MCC: variants seen among roughly 807,000 people sequenced by gnomAD.
The protein encoded by MCC is colorectal mutant cancer protein.
MCC carries 90 observed loss-of-function variants against 116.2 expected under a neutral mutation model. That is an observed-to-expected ratio of 0.77 (90% CI 0.65 to 0.92). MCC has a LOEUF of 0.92. Ranked by LOEUF, MCC falls within the 40% of genes least tolerant of loss-of-function variation. MCC has a pLI of 0.00. For synonymous variants in MCC, 578 were observed against 510.5 expected (o/e 1.13, Z -1.78); for missense variants, 1,516 against 1,312.2 (o/e 1.16, Z -2.40).
At chr5:113,119,807 C>G (rs1032081756) in intron 6 of MCC, among the ~76,000 whole-genome samples, 10 of 152,158 alleles carry the variant, frequency 6.6e-5, no homozygotes, top group African/African-American at 2.4e-4. Context: ...GAGGCTACCA[C>G]CAGTTATAAT....
At chr5:113,099,109 T>C (rs1482379445) in intron 8 of MCC, among the ~76,000 whole-genome samples, 2 of 64,208 alleles carry the variant, frequency 3.1e-5, no homozygotes, top group East Asian at 3.8e-4. Flanking sequence ...ATGCATCTAG[T>C]ACACTTTTTG....
intron 17 of MCC, among the ~76,000 whole-genome samples, chr5:113,039,719 CCCCAA>C (rs1751567326): frequency 1.2e-4 from 16 of 134,010 alleles, no homozygotes; most frequent in South Asian, 2.4e-4. Flanking sequence ...GCGCCCCCCC[CCCCAA>C]CCCACCCCAG....
chr5:113,093,421 T>TG (rs1755779591), intron 8 of MCC, among the ~76,000 whole-genome samples: 1 of 152,124 alleles, frequency 6.6e-6, no homozygotes, highest in African/African-American at 2.4e-5. Flanking sequence ...CATTCCAGCC[T>TG]GGGCAACATA....
intron 8 of MCC, 103 bp downstream of exon 8, chr5:113,101,636 A>G: frequency 8.1e-7 from 1 of 1,228,460 alleles, no homozygotes; most frequent in Non-Finnish European, 1.2e-6. Flanking sequence ...TCCCAAAATT[A>G]CAAATGCCAC....
rs960142368 is a variant in MCC, at chr5:113,025,980, G to A, written c.*1322C>T. 1 of 152,112 alleles carries A rather than the reference G, an allele frequency of 6.6e-6. No homozygotes were observed. The highest frequency in any genetic ancestry group is 1.5e-5 in the Non-Finnish European group (1 of 68,028). 9.4% of individuals were successfully genotyped at this position (152,112 alleles called of 1,614,324 possible). A position where few individuals can be genotyped will look rare whatever the true frequency, so the allele number is the denominator to read the frequency against. On this transcript the variant is annotated 3_prime_UTR_variant, in exon 19 of 19. Coordinates refer to ENST00000408903, the MANE Select transcript of MCC (RefSeq NM_001085377.2). ...TAGGGAACTTTGGATGGATTCTCTG[G>A]TGCTACAGAAAAAAACAGTAAATGG...
chr5:113,031,013 A>C (rs1750918379), intron 17 of MCC, among the ~76,000 whole-genome samples: 1 of 152,202 alleles, frequency 6.6e-6, no homozygotes, highest in Admixed American at 6.5e-5. Context: ...TCTGCTGCCC[A>C]AACTGTTCAG....
chr5:113,271,575 T>C (rs1765619873), intron 3 of MCC, among the ~76,000 whole-genome samples: 1 of 152,206 alleles, frequency 6.6e-6, no homozygotes, highest in South Asian at 2.1e-4. Context: ...CTGAAATTCC[T>C]GGGCAAACAG....
At chr5:113,154,112 G>GT (rs1168692924) in intron 3 of MCC, among the ~76,000 whole-genome samples, 1 of 152,144 alleles carries the variant, frequency 6.6e-6, no homozygotes, top group Non-Finnish European at 1.5e-5. Flanking sequence ...GTTTTAAGCT[G>GT]TTTTTTTGTT....
chr5:113,421,126 C>T (rs1490817869), intron 1 of MCC, among the ~76,000 whole-genome samples: 3 of 151,924 alleles, frequency 2.0e-5, no homozygotes, highest in Non-Finnish European at 2.9e-5. Flanking sequence ...CAGGTTCAAG[C>T]GAGTCTCCTG....
intron 11 of MCC, among the ~76,000 whole-genome samples, chr5:113,073,605 G>A (rs1221766284): frequency 6.6e-6 from 1 of 151,578 alleles, no homozygotes; most frequent in Non-Finnish European, 1.5e-5. Flanking sequence ...TCCTCTTTCA[G>A]GCCTCATGGT....
At chr5:113,129,492 T>A (rs1321233641) in intron 5 of MCC, among the ~76,000 whole-genome samples, 3 of 152,192 alleles carry the variant, frequency 2.0e-5, no homozygotes, top group African/African-American at 7.2e-5. Flanking sequence ...GGAGCCTAGA[T>A]CCTCCAAGAT....
At chr5:113,481,172 C>A (rs1451999416) in intron 1 of MCC, among the ~76,000 whole-genome samples, 1 of 152,126 alleles carries the variant, frequency 6.6e-6, no homozygotes, top group Admixed American at 6.5e-5. Context: ...TTTGATTAGC[C>A]TATTTCCCTT....
intron 1 of MCC, among the ~76,000 whole-genome samples, chr5:113,465,030 C>A (rs1280078831): frequency 2.0e-5 from 3 of 151,582 alleles, no homozygotes; most frequent in African/African-American, 7.3e-5. Flanking sequence ...ATCCTATTTC[C>A]AATTAAAATT....
chr5:113,373,228 T>C (rs971646130), intron 2 of MCC, among the ~76,000 whole-genome samples: 1 of 151,992 alleles, frequency 6.6e-6, no homozygotes, highest in African/African-American at 2.4e-5. Context: ...GAGTGCAACT[T>C]GGGTGTCTGA....
chr5:113,050,459 G>A (rs923572632), intron 15 of MCC, among the ~76,000 whole-genome samples: 1 of 152,130 alleles, frequency 6.6e-6, no homozygotes, highest in African/African-American at 2.4e-5. Context: ...TTGGACTAGG[G>A]GGTAGATGTT....
chr5:113,138,009 C>A (rs769145296), intron 5 of MCC, among the ~76,000 whole-genome samples: 5 of 149,266 alleles, frequency 3.3e-5, no homozygotes, highest in Non-Finnish European at 7.4e-5. Context: ...CAGAAGGTCC[C>A]AGGCACTAAA....
intron 1 of MCC, among the ~76,000 whole-genome samples, chr5:113,485,263 T>C (rs1192393808): frequency 2.6e-5 from 4 of 152,160 alleles, no homozygotes; most frequent in Non-Finnish European, 5.9e-5. Context: ...CTGTTTAGAA[T>C]GAGGGTTCAG....
intron 3 of MCC, among the ~76,000 whole-genome samples, chr5:113,295,640 C>T (rs1176075958): frequency 1.3e-5 from 2 of 152,114 alleles, no homozygotes; most frequent in African/African-American, 4.8e-5. Flanking sequence ...GGCTGTTATA[C>T]CCAGTACACC....
At chr5:113,225,973 G>C (rs1476942060) in intron 3 of MCC, among the ~76,000 whole-genome samples, 1 of 152,256 alleles carries the variant, frequency 6.6e-6, no homozygotes, top group African/African-American at 2.4e-5. Context: ...AGGGGTTCCA[G>C]ACCAGACTGG....
Sources: gnomAD v4.1 joint callset for allele counts (sites outside exome capture counted in the v4.1 genomes callset) on GRCh38, gnomAD v4.1.1 for gene constraint, MANE v1.5 for transcripts, NCBI Gene and HGNC (gene_info 2026-07-23, HGNC 2026-07-21) for gene names.